Variants in ST8SIA5 observed in about 807,000 individuals in gnomAD.
ST8SIA5 encodes ST8 alpha-N-acetyl-neuraminide alpha-2,8-sialyltransferase 5.
In ST8SIA5, 24 loss-of-function variants were observed where a neutral mutation model predicts 40.2. The observed-to-expected ratio is 0.60, with a 90% CI of 0.43 to 0.84. The LOEUF (loss-of-function observed/expected upper bound fraction) is 0.84. Ranked by LOEUF, ST8SIA5 falls within the 40% of genes least tolerant of loss-of-function variation. ST8SIA5 has a pLI of 0.00. For synonymous variants in ST8SIA5, 198 were observed against 201.8 expected, an observed-to-expected ratio of 0.98 and a Z score of 0.16; for missense variants, 465 against 498.5, an observed-to-expected ratio of 0.93 and a Z score of 0.64.
At chr18:46,744,067 T>C (rs1156505213) in intron 1 of ST8SIA5, among the ~76,000 whole-genome samples, 2 of 152,142 alleles carry the variant, frequency 1.3e-5, no homozygotes, top group African/African-American at 2.4e-5. Context: ...GAAGGAAGCA[T>C]TGAACATGGA....
At position 46,679,795 on chromosome 18, in the gene ST8SIA5, G is replaced by T; in HGVS notation, c.*247C>A. On this transcript the variant is annotated 3_prime_UTR_variant, in exon 7 of 7. Coordinates refer to ENST00000315087, the MANE Select transcript of ST8SIA5 (RefSeq NM_013305.6). Reference sequence around the variant, plus strand: ...GTGTGGCCCAGCAGCATGCTAGCCAGGGCAGGTGGACGCACTGGGCGGATG... The same window carrying T: ...GTGTGGCCCAGCAGCATGCTAGCCATGGCAGGTGGACGCACTGGGCGGATG... 1 of 544,018 alleles carries T rather than the reference G, an allele frequency of 1.8e-6. No homozygotes were observed. Among genetic ancestry groups the T allele is most frequent in the Non-Finnish European group, 3.3e-6 (1 of 304,686 alleles). 33.7% of individuals were successfully genotyped at this position (544,018 alleles called of 1,614,324 possible).
In ST8SIA5 at chr18:46,756,375, T is replaced by C. The variant is rs1568285539; in HGVS notation, c.131+3A>G. 1 of 1,611,748 alleles carries C rather than the reference T, an allele frequency of 6.2e-7. No homozygotes were observed. Among genetic ancestry groups the C allele is most frequent in the South Asian group, 1.1e-5 (1 of 90,910 alleles). ...ATCCCGCCCTCTCAATGGACTTTCT[T>C]ACCTCTTAATGTAGTTCCTGCCATA... On this transcript the variant is annotated splice_donor_region_variant and intron_variant, in intron 1 of 6. Transcript: ENST00000315087.
At chr18:46,751,617 G>A (rs1038973604) in intron 1 of ST8SIA5, among the ~76,000 whole-genome samples, 5 of 151,952 alleles carry the variant, frequency 3.3e-5, no homozygotes, top group South Asian at 4.2e-4. Context: ...AGCTGGTCTC[G>A]AACCCCTGAC....
At position 46,672,670 on chromosome 18, in the gene ST8SIA5, C is replaced by T. The variant is rs1393600115; in HGVS notation, c.*7372G>A. The T allele has an allele frequency of 6.6e-6, 1 of 151,204 alleles. No individual in the cohort carries two copies. Among genetic ancestry groups the T allele is most frequent in the Non-Finnish European group, 1.5e-5 (1 of 67,776 alleles). 9.4% of individuals were successfully genotyped at this position (151,204 alleles called of 1,614,324 possible). A position where few individuals can be genotyped will look rare whatever the true frequency, so the allele number is the denominator to read the frequency against. ...AGAAGAGACTGTGCAGGGGAAAATACCTAAAGACTTCTAAAAGATCAGCAA... is the reference window on the plus strand; with the variant it reads ...AGAAGAGACTGTGCAGGGGAAAATATCTAAAGACTTCTAAAAGATCAGCAA... On this transcript the variant is annotated 3_prime_UTR_variant, in exon 7 of 7. Transcript: ENST00000315087.
chr18:46,719,144 T>G (rs1003315438), intron 1 of ST8SIA5, among the ~76,000 whole-genome samples: 3 of 152,182 alleles, frequency 2.0e-5, no homozygotes, highest in Non-Finnish European at 4.4e-5. Flanking sequence ...ATTTATTCTG[T>G]GACTAAGGAA....
intron 1 of ST8SIA5, among the ~76,000 whole-genome samples, chr18:46,753,735 T>C (rs1291600355): frequency 2.0e-5 from 3 of 152,310 alleles, no homozygotes; most frequent in East Asian, 1.9e-4. Context: ...TACAACCTCT[T>C]TGGCCTCTTC....
chr18:46,670,236 A>G lies in ST8SIA5; in HGVS notation c.*9806T>C, dbSNP rs1778451122. ...GGGGATGGAAATAATTCTAAAGTGG[A>G]TAAAACGCAGCCCTGCCTTCTTAGA... On this transcript the variant is annotated 3_prime_UTR_variant, in exon 7 of 7. Coordinates refer to ENST00000315087, the MANE Select transcript of ST8SIA5 (RefSeq NM_013305.6). The G allele has an allele frequency of 1.3e-5, 2 of 152,202 alleles. No individual in the cohort carries two copies. Among genetic ancestry groups the G allele is most frequent in the African/African-American group, 4.8e-5 (2 of 41,444 alleles). 9.4% of individuals were successfully genotyped at this position (152,202 alleles called of 1,614,324 possible). A position where few individuals can be genotyped will look rare whatever the true frequency, so the allele number is the denominator to read the frequency against.
chr18:46,702,797 A>G (rs1276085283), intron 2 of ST8SIA5, among the ~76,000 whole-genome samples: 1 of 152,232 alleles, frequency 6.6e-6, no homozygotes, highest in East Asian at 1.9e-4. Flanking sequence ...TGTGAGTTCC[A>G]CAAGGGTGGG....
intron 1 of ST8SIA5, among the ~76,000 whole-genome samples, chr18:46,732,865 G>A (rs2039998397): frequency 2.2e-5 from 3 of 136,288 alleles, no homozygotes; most frequent in South Asian, 5.2e-4. Flanking sequence ...TGGGGGAGGT[G>A]GGGGGCCAGT....
In ST8SIA5 at chr18:46,674,984, A is replaced by G. The variant is rs2039331270; in HGVS notation, c.*5058T>C. On this transcript the variant is annotated 3_prime_UTR_variant, in exon 7 of 7. Transcript: ENST00000315087. ...GGACATTCCCTGCATGACTTGGTAA[A>G]GAACCTGAAGTTTATGATACAGGTA... 6.6e-6 allele frequency: 1 copy of G among 152,192 alleles called. No homozygotes were observed. The highest frequency in any genetic ancestry group is 1.9e-4 in the East Asian group (1 of 5,190). The allele number at this position is 152,192 out of a possible 1,614,324, so 9.4% of individuals were successfully genotyped here. A position where few individuals can be genotyped will look rare whatever the true frequency, so the allele number is the denominator to read the frequency against.
chr18:46,750,769 C>CCCTT (rs2040188263), intron 1 of ST8SIA5, among the ~76,000 whole-genome samples: 1 of 152,130 alleles, frequency 6.6e-6, no homozygotes, highest in South Asian at 2.1e-4. Flanking sequence ...CTCTCTCGAC[C>CCCTT]CCTTATAGGT....
intron 1 of ST8SIA5, among the ~76,000 whole-genome samples, chr18:46,752,923 C>G (rs531053126): frequency 6.6e-6 from 1 of 152,176 alleles, no homozygotes; most frequent in South Asian, 2.1e-4. Flanking sequence ...CCTCTTTAAC[C>G]CTTCCTGTAG....
In ST8SIA5 at chr18:46,688,888, C is replaced by G. The variant is rs2039474980; in HGVS notation, c.343G>C (p.Ala115Pro). The change falls in exon 4 of 7, where the codon GCC becomes CCC. Residue 115 changes from alanine to proline, a missense_variant. By Grantham distance (27) the Ala-to-Pro change is conservative (BLOSUM62 -1). Coordinates refer to ENST00000315087, the MANE Select transcript of ST8SIA5 (RefSeq NM_013305.6). ...TTCTTCTGGGTGGTGAAGAGAAAGGCAGGGGCGTTGCAGCACCTGGACAGA... is the reference window on the plus strand; with the variant it reads ...TTCTTCTGGGTGGTGAAGAGAAAGGGAGGGGCGTTGCAGCACCTGGACAGA... ...STLSRCCNAP[A>P]FLFTTQKNTP... is the part of the protein sequence containing the mutation. 5 of 1,613,942 alleles carry G rather than the reference C, an allele frequency of 3.1e-6. No homozygotes were observed. Among genetic ancestry groups the G allele is most frequent in the Non-Finnish European group, 2.5e-6 (3 of 1,179,892 alleles).
At chr18:46,708,488 G>A (rs537183239) in intron 1 of ST8SIA5, among the ~76,000 whole-genome samples, 2 of 152,268 alleles carry the variant, frequency 1.3e-5, no homozygotes, top group African/African-American at 4.8e-5. Flanking sequence ...GCCAATTCCT[G>A]GAGATAGTAA....
chr18:46,704,810 CT>C (rs1422317318), intron 1 of ST8SIA5, 146 bp from the exon 2 acceptor site: 4 of 692,928 alleles, frequency 5.8e-6, no homozygotes, highest in Non-Finnish European at 9.9e-6. Context: ...CCATTAGGGG[CT>C]TCAGGCAGAC....
At chr18:46,736,221 C>T (rs183898309) in intron 1 of ST8SIA5, among the ~76,000 whole-genome samples, 3 of 152,290 alleles carry the variant, frequency 2.0e-5, no homozygotes, top group Non-Finnish European at 2.9e-5. Context: ...CATGTCTCAA[C>T]TCAGACGCAA....
rs531696529 is a variant in ST8SIA5 at position 46,692,183 on chromosome 18, C to T, written c.297G>A (p.Glu99=). 5 of 1,614,088 alleles carry T rather than the reference C, an allele frequency of 3.1e-6. No homozygotes were observed. The highest frequency in any genetic ancestry group is 1.1e-5 in the South Asian group (1 of 91,076). ...ATCATAGATACTTGAACTGGTTGGCCTCAGAGATGTTCATCGCCCATTTGC... is the reference window on the plus strand; with the variant it reads ...ATCATAGATACTTGAACTGGTTGGCTTCAGAGATGTTCATCGCCCATTTGC... The part of the protein sequence containing the change: ...QMCKWAMNIS[E]ANQFKSTLSR... The change falls in exon 3 of 7, where the codon GAG becomes GAA. Residue 99 remains glutamate, a synonymous_variant. Coordinates refer to ENST00000315087, the MANE Select transcript of ST8SIA5 (RefSeq NM_013305.6).
chr18:46,740,528 A>T lies in ST8SIA5; in HGVS notation c.131+15850T>A, dbSNP rs1000215087. Among the ~76,000 whole-genome samples, 5 of 144,750 alleles carry T rather than the reference A, an allele frequency of 3.5e-5. No homozygotes were observed. In the East Asian group the frequency reaches 5.8e-4, roughly 17 times the overall value. The allele number at this position is 144,750 out of a possible 152,430, so 95.0% of individuals were successfully genotyped here. ...CATAGAATGAAAGACATGCAAATTT[A>T]AAAAAAAAGATTCAATATCATAAAT... On this transcript the variant is annotated intron_variant, in intron 1 of 6. Coordinates refer to ENST00000315087, the MANE Select transcript of ST8SIA5 (RefSeq NM_013305.6).
chr18:46,698,496 C>T (rs1488809307), intron 2 of ST8SIA5, among the ~76,000 whole-genome samples: 1 of 152,162 alleles, frequency 6.6e-6, no homozygotes, highest in African/African-American at 2.4e-5. Context: ...AGCAACCCAA[C>T]AACCCAACAC....
Sources: gnomAD v4.1 joint callset for allele counts (sites outside exome capture counted in the v4.1 genomes callset) on GRCh38, gnomAD v4.1.1 for gene constraint, MANE v1.5 for transcripts, NCBI Gene and HGNC (gene_info 2026-07-23, HGNC 2026-07-21) for gene names.